The following NHLRC3 variants were observed in gnomAD, a reference collection of about 807,000 sequenced individuals.
NHLRC3 encodes the protein NHL repeat containing 3.
A neutral mutation model predicts 32.0 loss-of-function variants in NHLRC3; 23 were observed. The ratio of observed to expected loss-of-function variants is 0.72; its 90% CI spans 0.52 to 1.02. NHLRC3 has a LOEUF of 1.02. Among genes scored for constraint, NHLRC3 ranks in the 50% least tolerant of loss-of-function variants. NHLRC3 has a pLI of 0.00. For synonymous variants in NHLRC3, 159 were observed against 147.9 expected (o/e 1.08, Z -0.55); for missense variants, 407 against 406.8 (o/e 1.00, Z -0.01).
chr13:39,046,815 G>C (rs1430020911), intron 5 of NHLRC3, among the ~76,000 whole-genome samples: 1 of 152,060 alleles, frequency 6.6e-6, no homozygotes, highest in Non-Finnish European at 1.5e-5. Flanking sequence ...ATAAGCTTTG[G>C]GTTAAGACAG....
rs372975865 is a variant in NHLRC3, at chr13:39,038,630, C to G, written c.-10C>G. 1 of 1,613,938 alleles carries G rather than the reference C, an allele frequency of 6.2e-7. No individual in the cohort carries two copies. The highest frequency in any genetic ancestry group is 8.5e-7 in the Non-Finnish European group (1 of 1,179,776). ...TGCGGACCCTCCCTCTCCTGGCTTC[C>G]CGTCTGGTCATGGCGAGATTCTGGG... is the stretch of plus-strand genomic sequence containing the variant. On this transcript the variant is annotated 5_prime_UTR_variant, in exon 1 of 7. Transcript: ENST00000379600.
intron 5 of NHLRC3, among the ~76,000 whole-genome samples, chr13:39,046,035 A>G (rs1026368092): frequency 1.3e-5 from 2 of 152,186 alleles, no homozygotes; most frequent in Admixed American, 1.3e-4. Flanking sequence ...ACAAGTCATC[A>G]AAAACCATTT....
Position 39,044,184 on chromosome 13 carries a change from A to T in NHLRC3, c.678+3A>T, listed in dbSNP as rs1566033803. 6.3e-7 allele frequency: 1 copy of T among 1,596,398 alleles called. No individual in the cohort carries two copies. The highest frequency in any genetic ancestry group is 1.7e-4 in the Middle Eastern group (1 of 6,036). On this transcript the variant is annotated splice_donor_region_variant and intron_variant, in intron 5 of 6. Transcript: ENST00000379600. Reference sequence around the variant, plus strand: ...TTACACTTGATTCAGCTGGTCGGGTACAAATACAGCGTCATTGTGTCTGGG... The same window carrying T: ...TTACACTTGATTCAGCTGGTCGGGTTCAAATACAGCGTCATTGTGTCTGGG...
chr13:39,046,310 C>A (rs1047714061), intron 5 of NHLRC3, among the ~76,000 whole-genome samples: 2 of 152,138 alleles, frequency 1.3e-5, no homozygotes, highest in African/African-American at 4.8e-5. Context: ...CAGAGCGAGA[C>A]TCCATCTCAA....
Position 39,046,565 on chromosome 13 carries a change from G to T in NHLRC3, c.679-475G>T, listed in dbSNP as rs919869735. Among the ~76,000 whole-genome samples the T allele has an allele frequency of 4.6e-5, 7 of 152,148 alleles. No individual in the cohort carries two copies. The East Asian group carries it at 1.3e-3, about 29-fold the overall frequency. On this transcript the variant is annotated intron_variant, in intron 5 of 6. Transcript: ENST00000379600. ...TAGCAGGTATGGGTTTAATGATACTGCAATCTGAATGAATACCTCACATCC... is the reference window on the plus strand; with the variant it reads ...TAGCAGGTATGGGTTTAATGATACTTCAATCTGAATGAATACCTCACATCC...
chr13:39,044,117 A>G lies in NHLRC3; in HGVS notation c.614A>G (p.Glu205Gly), dbSNP rs1871567753. 6.2e-7 allele frequency: 1 copy of G among 1,613,446 alleles called. No individual in the cohort carries two copies. The highest frequency in any genetic ancestry group is 1.1e-5 in the South Asian group (1 of 91,074). The change falls in exon 5 of 7, where the codon GAA (glutamate) becomes GGA (glycine). Residue 205 changes from glutamate (E) to glycine (G), a missense_variant. Transcript: ENST00000379600. ...QDFMILWLHG[E>G]NGTGPAKFNI... ...TTCATGATCCTTTGGCTGCATGGAG[A>G]AAATGGGACAGGGCCTGCTAAGTTC...
intron 1 of NHLRC3, 62 bp from the exon 2 acceptor site, chr13:39,039,066 GGCCCCCCC>G: frequency 2.2e-6 from 1 of 453,930 alleles, no homozygotes; most frequent in Non-Finnish European, 4.2e-6. Flanking sequence ...CCTGTTACCC[GGCCCCCCC>G]GCCCTTTTTT....
At chr13:39,040,187 CAAA>C (rs769068943) in intron 3 of NHLRC3, 14 of 91,184 alleles carry the variant, frequency 1.5e-4, no homozygotes, top group Non-Finnish European at 2.2e-4. Context: ...CACTCTGTCT[CAAA>C]AAAAAAAAAA....
rs530038891 is a variant in NHLRC3 at position 39,039,588 on chromosome 13, T to C, written c.262T>C (p.Leu88=). The C allele has an allele frequency of 1.4e-5, 23 of 1,612,198 alleles. No homozygotes were observed. In the African/African-American group the frequency reaches 1.7e-4, roughly 12 times the overall value. The part of the protein sequence containing the change: ...GQRGDNIPKI[L]VFTEDGYFLR... Reference sequence around the variant, plus strand: ...GAGAGGGGATAACATCCCAAAGATATTAGTGTTCACAGAGGATGGATATTT... The same window carrying C: ...GAGAGGGGATAACATCCCAAAGATACTAGTGTTCACAGAGGATGGATATTT... Residue 88 remains leucine (L), a synonymous_variant, in exon 3 of 7, where the codon TTA becomes CTA. Coordinates refer to ENST00000379600, the MANE Select transcript of NHLRC3 (RefSeq NM_001012754.4).
rs1871578686 is a variant in NHLRC3 at position 39,044,234 on chromosome 13, T to TGTGG, written c.678+56_678+57insGGTG. ...GACTTTGTGTCTGAATATGTTTGTG[T>TGTGG]GTGTGTGTGTGTGTGTGTGTGTGTG... On this transcript the variant is annotated intron_variant, in intron 5 of 6. Coordinates refer to ENST00000379600, the MANE Select transcript of NHLRC3 (RefSeq NM_001012754.4). 4.0e-5 allele frequency: 18 copies of TGTGG among 454,200 alleles called. No homozygotes were observed. The South Asian group carries it at 5.9e-4, about 15-fold the overall frequency. 28.1% of individuals were successfully genotyped at this position (454,200 alleles called of 1,614,324 possible).
chr13:39,042,051 C>A (rs749377019), intron 3 of NHLRC3, 54 bp from the exon 4 acceptor site: 288 of 1,078,210 alleles, frequency 2.7e-4, no homozygotes, highest in Non-Finnish European at 3.7e-4. Flanking sequence ...CTTGAAAAAT[C>A]TGAATGTTTG....
chr13:39,041,020 A>C (rs190041246), intron 3 of NHLRC3: 9 of 152,262 alleles, frequency 5.9e-5, no homozygotes, highest in Middle Eastern at 3.4e-3. Flanking sequence ...AGTTCATTTT[A>C]TTCATGTGAT....
intron 4 of NHLRC3, among the ~76,000 whole-genome samples, chr13:39,042,852 G>T (rs1488155232): frequency 1.3e-5 from 2 of 152,184 alleles, no homozygotes; most frequent in African/African-American, 4.8e-5. Context: ...ACTAGTTTTG[G>T]TGGGAGGAGA....
intron 5 of NHLRC3, 47 bp downstream of exon 5, chr13:39,044,228 T>TTTGTGG (rs765692850): frequency 1.8e-6 from 2 of 1,101,176 alleles, no homozygotes; most frequent in East Asian, 4.8e-5. Flanking sequence ...TCTGAATATG[T>TTTGTGG]TTGTGTGTGT....
At chr13:39,043,857 C>T (rs1046712537) in intron 4 of NHLRC3, among the ~76,000 whole-genome samples, 1 of 151,644 alleles carries the variant, frequency 6.6e-6, no homozygotes, top group African/African-American at 2.4e-5. Flanking sequence ...ATGAAAAATT[C>T]AAGTGGAGAT....
chr13:39,046,191 G>A (rs928620094), intron 5 of NHLRC3, among the ~76,000 whole-genome samples: 2 of 152,108 alleles, frequency 1.3e-5, no homozygotes, highest in Admixed American at 6.5e-5. Flanking sequence ...GGTGGCGGGC[G>A]CCTGTAGTCT....
Position 39,039,672 on chromosome 13 carries a change from CTA to C in NHLRC3, c.350_351del (p.Tyr117Ter). On this transcript the variant is annotated frameshift_variant, in exon 3 of 7. Coordinates refer to ENST00000379600, the MANE Select transcript of NHLRC3 (RefSeq NM_001012754.4). LOFTEE classifies it high-confidence loss of function. ...TCATGGTATATTTGCAGCCAGTACT[CTA>C]TATGAACAATCCGTCTGGATCACGG... ...TPHGIFAAST[L>X]YEQSVWITDV... The C allele has an allele frequency of 6.2e-7, 1 of 1,612,816 alleles. No homozygotes were observed. Among genetic ancestry groups the C allele is most frequent in the South Asian group, 1.1e-5 (1 of 91,048 alleles).
intron 5 of NHLRC3, among the ~76,000 whole-genome samples, chr13:39,044,688 A>G (rs1314729112): frequency 2.0e-5 from 3 of 152,230 alleles, no homozygotes; most frequent in Admixed American, 2.0e-4. Flanking sequence ...TTTAGGGAAC[A>G]GAAAGCTTTA....
intron 1 of NHLRC3, 105 bp from the exon 2 acceptor site, chr13:39,039,031 T>A: frequency 1.1e-6 from 1 of 908,724 alleles, no homozygotes; most frequent in Non-Finnish European, 1.7e-6. Context: ...AACTTCTAGT[T>A]GTCAAGGCAT....
Sources: allele counts gnomAD v4.1 joint callset (sites outside exome capture counted in the v4.1 genomes callset), GRCh38; gene constraint gnomAD v4.1.1; transcripts MANE v1.5; gene names NCBI Gene and HGNC (gene_info 2026-07-23, HGNC 2026-07-21).